SND1: variants seen among roughly 807,000 people sequenced by gnomAD.
SND1 encodes the protein staphylococcal nuclease domain-containing protein 1.
Under a neutral mutation model 121.7 loss-of-function variants are expected in SND1, and 38 were observed. The ratio of observed to expected loss-of-function variants is 0.31; its 90% CI spans 0.24 to 0.41. SND1 has a LOEUF of 0.41. Ranked by LOEUF, SND1 falls within the 10% of genes least tolerant of loss-of-function variation. SND1 has a pLI of 1.00. For synonymous variants in SND1, 401 were observed against 447.4 expected, an observed-to-expected ratio of 0.90 and a Z score of 1.31; for missense variants, 868 against 1,184.6, an observed-to-expected ratio of 0.73 and a Z score of 3.92.
chr7:128,022,889 C>G (rs1442364884), intron 16 of SND1, among the ~76,000 whole-genome samples: 1 of 152,212 alleles, frequency 6.6e-6, no homozygotes, highest in Admixed American at 6.5e-5. Flanking sequence ...CAAGTACTGA[C>G]AGCAAAGCTG....
intron 10 of SND1, among the ~76,000 whole-genome samples, chr7:127,759,697 T>G (rs1584552407): frequency 1.3e-5 from 1 of 74,980 alleles, no homozygotes; most frequent in Non-Finnish European, 2.6e-5. Flanking sequence ...ATACGTATAT[T>G]TATGTCTGTA....
chr7:127,972,206 G>A (rs564422185), intron 15 of SND1, among the ~76,000 whole-genome samples: 4 of 152,158 alleles, frequency 2.6e-5, no homozygotes, highest in African/African-American at 9.6e-5. Flanking sequence ...TTCCGACCTC[G>A]GTCATCATAG....
At chr7:127,769,125 C>T (rs1394846037) in intron 10 of SND1, among the ~76,000 whole-genome samples, 1 of 152,178 alleles carries the variant, frequency 6.6e-6, no homozygotes, top group Non-Finnish European at 1.5e-5. Flanking sequence ...TATCAGGAGA[C>T]TGAACTGGGG....
chr7:127,837,544 T>C (rs1450764701), intron 11 of SND1, among the ~76,000 whole-genome samples: 1 of 152,216 alleles, frequency 6.6e-6, no homozygotes, highest in Admixed American at 6.5e-5. Context: ...AAGTTTAACA[T>C]CCTCTCTTGA....
chr7:127,925,220 G>A (rs949291632), intron 14 of SND1, among the ~76,000 whole-genome samples: 4 of 152,204 alleles, frequency 2.6e-5, no homozygotes, highest in African/African-American at 7.2e-5. Context: ...ATAGTTTGCT[G>A]TAGAGCACAG....
At chr7:127,952,197 C>G (rs1020960316) in intron 15 of SND1, among the ~76,000 whole-genome samples, 2 of 152,198 alleles carry the variant, frequency 1.3e-5, no homozygotes, top group African/African-American at 4.8e-5. Flanking sequence ...GAAATTTCAT[C>G]TATACAGGAA....
At chr7:127,757,407 A>G (rs1472066061) in intron 10 of SND1, among the ~76,000 whole-genome samples, 3 of 152,162 alleles carry the variant, frequency 2.0e-5, no homozygotes, top group Non-Finnish European at 4.4e-5. Flanking sequence ...CTTTTGGTGG[A>G]TGCGCACATT....
intron 13 of SND1, among the ~76,000 whole-genome samples, chr7:127,895,763 C>T (rs762016146): frequency 1.3e-5 from 2 of 152,110 alleles, no homozygotes; most frequent in African/African-American, 2.4e-5. Context: ...AGTAATCAAT[C>T]TGCATTTAAG....
intron 10 of SND1, among the ~76,000 whole-genome samples, chr7:127,757,724 G>A (rs1797222432): frequency 6.6e-6 from 1 of 152,172 alleles, no homozygotes; most frequent in East Asian, 1.9e-4. Context: ...TTGGAATTGG[G>A]TTGTTCATCC....
chr7:127,791,734 G>A (rs1797913133), intron 10 of SND1, among the ~76,000 whole-genome samples: 1 of 152,138 alleles, frequency 6.6e-6, no homozygotes, highest in African/African-American at 2.4e-5. Flanking sequence ...TAAAATATGT[G>A]ATAACAAATC....
chr7:127,782,506 G>A (rs1045165655), intron 10 of SND1, among the ~76,000 whole-genome samples: 2 of 152,164 alleles, frequency 1.3e-5, no homozygotes, highest in East Asian at 3.8e-4. Flanking sequence ...TCTGTCATAG[G>A]TTACAATCCT....
intron 16 of SND1, among the ~76,000 whole-genome samples, chr7:127,994,843 C>T (rs888725885): frequency 2.0e-5 from 3 of 152,088 alleles, no homozygotes; most frequent in African/African-American, 7.2e-5. Flanking sequence ...TCCCAAGTAG[C>T]TGGGATTACA....
intron 16 of SND1, among the ~76,000 whole-genome samples, chr7:128,056,699 C>T (rs1037528386): frequency 1.3e-5 from 2 of 152,208 alleles, no homozygotes; most frequent in African/African-American, 4.8e-5. Context: ...GTAGTCCCCC[C>T]TTATCCACAG....
chr7:127,967,254 T>C (rs917955516), intron 15 of SND1, among the ~76,000 whole-genome samples: 50 of 152,208 alleles, frequency 3.3e-4, no homozygotes, highest in African/African-American at 1.2e-3. Context: ...TAGCACTCTC[T>C]TTCTCAGTAG....
intron 1 of SND1, among the ~76,000 whole-genome samples, chr7:127,680,609 C>A (rs900520992): frequency 2.0e-5 from 3 of 151,848 alleles, no homozygotes; most frequent in Non-Finnish European, 4.4e-5. Flanking sequence ...CACCGGCGGT[C>A]AGAGTTTAAG....
intron 10 of SND1, among the ~76,000 whole-genome samples, chr7:127,796,048 G>A (rs977449214): frequency 5.9e-5 from 9 of 151,616 alleles, no homozygotes; most frequent in South Asian, 2.1e-4. Context: ...TAGTGGAGAC[G>A]GGGTTTCACC....
At chr7:127,841,394 A>C (rs1798962450) in intron 11 of SND1, among the ~76,000 whole-genome samples, 1 of 152,112 alleles carries the variant, frequency 6.6e-6, no homozygotes, top group Admixed American at 6.5e-5. Flanking sequence ...CATATTTATT[A>C]ACTTCCCAGC....
intron 11 of SND1, among the ~76,000 whole-genome samples, chr7:127,827,222 TTAAAG>T (rs1238615018): frequency 6.6e-6 from 1 of 152,194 alleles, no homozygotes; most frequent in East Asian, 1.9e-4. Context: ...TCATTCTGAT[TTAAAG>T]TAAAGCTTTC....
chr7:127,692,373 T>C lies in SND1; in HGVS notation c.229-2455T>C, dbSNP rs1273812955. ...AAGCCACTTGCTTCTTAGATGGGAC[T>C]CTGGGGCATCATTTGAATAGACCAC... On this transcript the variant is annotated intron_variant, in intron 2 of 23. Transcript: ENST00000354725. The C allele has an allele frequency of 1.7e-4, 26 of 152,258 alleles. 1 individual carries two copies. The highest frequency in any genetic ancestry group is 1.7e-3 in the Admixed American group (26 of 15,290). 9.4% of individuals were successfully genotyped at this position (152,258 alleles called of 1,614,324 possible).
Sources: gnomAD v4.1 joint callset for allele counts (sites outside exome capture counted in the v4.1 genomes callset) on GRCh38, gnomAD v4.1.1 for gene constraint, MANE v1.5 for transcripts, NCBI Gene and HGNC (gene_info 2026-07-23, HGNC 2026-07-21) for gene names.